The following RPS6KC1 variants were observed in gnomAD, a reference collection of about 807,000 sequenced individuals.
The protein encoded by RPS6KC1 is ribosomal protein S6 kinase C1.
In RPS6KC1, 54 loss-of-function variants were observed where a neutral mutation model predicts 103.8. The observed-to-expected ratio is 0.52, with a 90% CI of 0.42 to 0.65. RPS6KC1 has a LOEUF of 0.65. RPS6KC1 is among the 30% of genes least tolerant of loss of function. The pLI is 0.00. For synonymous variants in RPS6KC1, 439 were observed against 438.7 expected, an observed-to-expected ratio of 1.00 and a Z score of -0.01; for missense variants, 1,151 against 1,253.8, an observed-to-expected ratio of 0.92 and a Z score of 1.24.
chr1:213,127,172 A>G (rs538940867), intron 5 of RPS6KC1, among the ~76,000 whole-genome samples: 1 of 152,282 alleles, frequency 6.6e-6, no homozygotes, highest in Admixed American at 6.5e-5. Context: ...CAGGGAGTTC[A>G]TAAAGCAAAA....
the RPS6KC1 span, among the ~76,000 whole-genome samples, chr1:213,343,440 T>TATATACATACACATATACAC: frequency 3.7e-5 from 3 of 80,382 alleles, no homozygotes; most frequent in African/African-American, 9.9e-5. Context: ...TATATATATA[T>TATATACATACACATATACAC]ACATACCATG....
At chr1:213,514,405 G>GGT in the RPS6KC1 span, among the ~76,000 whole-genome samples, 1 of 115,428 alleles carries the variant, frequency 8.7e-6, no homozygotes, top group African/African-American at 3.5e-5. Context: ...AACAGGCCCC[G>GGT]GTGTGTGATG....
At chr1:213,511,389 C>T in the RPS6KC1 span, among the ~76,000 whole-genome samples, 1 of 152,112 alleles carries the variant, frequency 6.6e-6, no homozygotes, top group Non-Finnish European at 1.5e-5. Context: ...GAGCAGCAGC[C>T]TGGGAAGGCA....
intron 6 of RPS6KC1, among the ~76,000 whole-genome samples, chr1:213,164,415 C>G (rs2090765327): frequency 6.6e-6 from 1 of 152,196 alleles, no homozygotes; most frequent in Admixed American, 6.5e-5. Context: ...TCAGAGATCA[C>G]ACACTATAAT....
chr1:213,154,159 A>ACATAAG (rs56814164), intron 6 of RPS6KC1, among the ~76,000 whole-genome samples: 110,496 of 151,500 alleles, frequency 0.73, 41,117 homozygotes, highest in African/African-American at 0.88. Flanking sequence ...AGGTGGAGTG[A>ACATAAG]CACCCCTGGG....
intron 8 of RPS6KC1, among the ~76,000 whole-genome samples, chr1:213,198,498 C>A (rs949758128): frequency 2.6e-5 from 4 of 152,160 alleles, no homozygotes; most frequent in Non-Finnish European, 4.4e-5. Flanking sequence ...ATGTCTAGAT[C>A]TCTGGCAAGC....
At chr1:213,261,476 G>T (rs1048531645) in intron 12 of RPS6KC1, 82 bp from the exon 13 acceptor site, 48 of 1,243,986 alleles carry the variant, frequency 3.9e-5, no homozygotes, top group Non-Finnish European at 5.4e-5. Context: ...GCATTAAAAA[G>T]GTCACCTTGC....
At chr1:213,075,267 T>G (rs2079225788) in intron 2 of RPS6KC1, among the ~76,000 whole-genome samples, 1 of 152,190 alleles carries the variant, frequency 6.6e-6, no homozygotes, top group Non-Finnish European at 1.5e-5. Context: ...TATAATGACA[T>G]TTACCTTATA....
the RPS6KC1 span, among the ~76,000 whole-genome samples, chr1:213,824,183 C>T: frequency 5.9e-5 from 9 of 152,316 alleles, no homozygotes; most frequent in Middle Eastern, 3.4e-3. Flanking sequence ...TGATGTGCTT[C>T]CACCCAAAGT....
intron 12 of RPS6KC1, among the ~76,000 whole-genome samples, chr1:213,257,366 C>G (rs910104973): frequency 6.6e-6 from 1 of 152,166 alleles, no homozygotes; most frequent in Non-Finnish European, 1.5e-5. Flanking sequence ...AACGAGGAAC[C>G]TCATGAGCAG....
chr1:213,721,413 T>C, the RPS6KC1 span, among the ~76,000 whole-genome samples: 1 of 152,184 alleles, frequency 6.6e-6, no homozygotes. Context: ...TCTCACAGAA[T>C]CTGATGGTTT....
At chr1:213,076,693 T>C (rs1402111205) in intron 2 of RPS6KC1, among the ~76,000 whole-genome samples, 1 of 151,924 alleles carries the variant, frequency 6.6e-6, no homozygotes, top group East Asian at 1.9e-4. Context: ...CTTTTTTACA[T>C]GTCGTCTAAT....
chr1:213,100,129 T>C (rs999090341), intron 3 of RPS6KC1, among the ~76,000 whole-genome samples: 3 of 152,238 alleles, frequency 2.0e-5, no homozygotes, highest in African/African-American at 7.2e-5. Flanking sequence ...CATTGGGCAT[T>C]ATCAGCCTTT....
chr1:213,146,765 C>A (rs898430697), intron 6 of RPS6KC1, among the ~76,000 whole-genome samples: 13 of 151,992 alleles, frequency 8.6e-5, no homozygotes, highest in African/African-American at 3.1e-4. Flanking sequence ...AACCTCCAAA[C>A]TGTTGAACTA....
At chr1:213,525,370 A>C in the RPS6KC1 span, among the ~76,000 whole-genome samples, 2 of 152,170 alleles carry the variant, frequency 1.3e-5, no homozygotes, top group African/African-American at 4.8e-5. Flanking sequence ...TTACTGACTA[A>C]AGTAAAGCAG....
chr1:213,771,363 G>A, the RPS6KC1 span, among the ~76,000 whole-genome samples: 5 of 152,272 alleles, frequency 3.3e-5, no homozygotes, highest in East Asian at 9.6e-4. Flanking sequence ...GGTAGGAAAC[G>A]GATGACAGAA....
At chr1:213,062,514 A>T (rs2077932289) in intron 1 of RPS6KC1, among the ~76,000 whole-genome samples, 1 of 152,040 alleles carries the variant, frequency 6.6e-6, no homozygotes, top group Non-Finnish European at 1.5e-5. Flanking sequence ...TAACAGAGTG[A>T]TTTCTAATCA....
intron 8 of RPS6KC1, among the ~76,000 whole-genome samples, chr1:213,206,779 G>T (rs997442231): frequency 6.6e-6 from 1 of 151,874 alleles, no homozygotes; most frequent in Non-Finnish European, 1.5e-5. Context: ...AAATATTTTT[G>T]GATCTTCCTT....
chr1:213,729,185 C>G, the RPS6KC1 span, among the ~76,000 whole-genome samples: 1 of 152,006 alleles, frequency 6.6e-6, no homozygotes. Context: ...TACTATTTCC[C>G]TAGGAGCCAG....
Sources: allele counts gnomAD v4.1 joint callset (sites outside exome capture counted in the v4.1 genomes callset), GRCh38; gene constraint gnomAD v4.1.1; transcripts MANE v1.5; gene names NCBI Gene and HGNC (gene_info 2026-07-23, HGNC 2026-07-21).